Variants in CELSR1 observed in about 807,000 individuals in gnomAD.
The protein encoded by CELSR1 is cadherin EGF LAG seven-pass G-type receptor 1, also known as adhesion G protein-coupled receptor C1.
A neutral mutation model predicts 249.1 loss-of-function variants in CELSR1; 110 were observed. The observed-to-expected ratio is 0.44, with a 90% CI of 0.38 to 0.52. The LOEUF (loss-of-function observed/expected upper bound fraction) is 0.52. Among genes scored for constraint, CELSR1 ranks in the 20% least tolerant of loss-of-function variants. The pLI is 0.00. For synonymous variants in CELSR1, 2,113 were observed against 1,900.0 expected, an observed-to-expected ratio of 1.11 and a Z score of -2.92; for missense variants, 4,109 against 4,296.4, an observed-to-expected ratio of 0.96 and a Z score of 1.22.
chr22:46,499,870 G>A (rs1228357783), intron 1 of CELSR1, among the ~76,000 whole-genome samples: 3 of 151,882 alleles, frequency 2.0e-5, no homozygotes, highest in South Asian at 2.1e-4. Flanking sequence ...CCCCTCCACC[G>A]TCTGCAAACC....
In CELSR1 at chr22:46,381,951, C is replaced by T. The variant is rs761937371; in HGVS notation, c.6983G>A (p.Arg2328Gln). Residue 2328 changes from arginine to glutamine, a missense_variant, in exon 21 of 35, where the codon CGA becomes CAA. This residue lies in a region of CELSR1 where 1,805 missense variants were observed against 1,831.6 expected (regional missense o/e 0.99). Coordinates refer to ENST00000674500, the MANE Select transcript of CELSR1 (RefSeq NM_001378328.1). This position sits in a 1 kb window ranked among gnomAD's most constrained non-coding sequence, Gnocchi z 6.0. ...GAACTGGCCAGCGTCATCAGGGTGT[C>T]GCCTCCGCCTGCTGATCGGGGCCTC... ...EREAPISRRR[R>Q]HPDDAGQFAV... 4.2e-5 allele frequency: 66 copies of T among 1,564,212 alleles called. No homozygotes were observed. The highest frequency in any genetic ancestry group is 1.2e-4 in the African/African-American group (9 of 73,626).
At chr22:46,420,599 GCTTGCACAATATACTCAC>G (rs2079459136) in intron 5 of CELSR1, among the ~76,000 whole-genome samples, 2 of 151,994 alleles carry the variant, frequency 1.3e-5, no homozygotes, top group South Asian at 4.1e-4. Context: ...TCGTGCTCAT[GCTTGCACAATATACTCAC>G]CTGTACACAC....
chr22:46,480,334 G>A (rs2080254215), intron 1 of CELSR1, among the ~76,000 whole-genome samples: 1 of 152,196 alleles, frequency 6.6e-6, no homozygotes, highest in Non-Finnish European at 1.5e-5. Flanking sequence ...GATGCAGCAT[G>A]TCAAAATTTT....
intron 1 of CELSR1, among the ~76,000 whole-genome samples, chr22:46,486,881 C>T (rs951674124): frequency 3.3e-5 from 5 of 152,084 alleles, no homozygotes; most frequent in African/African-American, 4.8e-5. Flanking sequence ...CATCAGGACA[C>T]GTCCACACAG....
At chr22:46,382,914 T>C (rs1019441050) in intron 20 of CELSR1, among the ~76,000 whole-genome samples, 4 of 152,176 alleles carry the variant, frequency 2.6e-5, no homozygotes, top group African/African-American at 7.2e-5. Context: ...TTTCGTGGGC[T>C]AGAGTTTCAG....
rs2079413746 is a variant in CELSR1, at chr22:46,417,271, G to C, written c.4612-5512C>G. Among the ~76,000 whole-genome samples the C allele has an allele frequency of 6.6e-6, 1 of 152,216 alleles. No individual in the cohort carries two copies. The highest frequency in any genetic ancestry group is 2.4e-5 in the African/African-American group (1 of 41,448). On this transcript the variant is annotated intron_variant, in intron 5 of 34. Coordinates refer to ENST00000674500, the MANE Select transcript of CELSR1 (RefSeq NM_001378328.1). The surrounding 1 kb of genome is among the most constrained non-coding windows in gnomAD (Gnocchi z 4.1). ...CACTGCAGTTCTCCGAAGCTGCTTG[G>C]GAAAGTGGTGGGAAGGGTCACGAGG...
rs1325233945 is a variant in CELSR1 at position 46,430,114 on chromosome 22, G to A, written c.4611+3279C>T. ...GGCCACTCTGACAGGCAACACCCGGGAGATCATGCTCAGATCTAAAATGCA... is the reference window on the plus strand; with the variant it reads ...GGCCACTCTGACAGGCAACACCCGGAAGATCATGCTCAGATCTAAAATGCA... On this transcript the variant is annotated intron_variant, in intron 5 of 34. Transcript: ENST00000674500. The surrounding 1 kb of genome is among the most constrained non-coding windows in gnomAD (Gnocchi z 4.6). Among the ~76,000 whole-genome samples the A allele has an allele frequency of 6.6e-6, 1 of 152,208 alleles. No homozygotes were observed. The highest frequency in any genetic ancestry group is 1.9e-4 in the East Asian group (1 of 5,198).
At chr22:46,373,173 G>A in intron 24 of CELSR1, 116 bp from the exon 25 acceptor site, 1 of 1,099,204 alleles carries the variant, frequency 9.1e-7, no homozygotes, top group Non-Finnish European at 1.3e-6. Context: ...CTATGTGTCT[G>A]TCCTCAGCTG....
At chr22:46,373,712 T>TGGGGGGGAA (rs1602036842) in intron 24 of CELSR1, among the ~76,000 whole-genome samples, 1 of 78,760 alleles carries the variant, frequency 1.3e-5, no homozygotes, top group African/African-American at 5.1e-5. Flanking sequence ...ATGGGGGAGA[T>TGGGGGGGAA]GGGGGAGATG....
Position 46,420,729 on chromosome 22 carries a change from C to T in CELSR1, c.4612-8970G>A, listed in dbSNP as rs1288465808. ...CCCCTCTCTGTCCTCGATCTGGGCCCGCGGGACCCCCTTCCTTAGTCCCCC... is the reference window on the plus strand; with the variant it reads ...CCCCTCTCTGTCCTCGATCTGGGCCTGCGGGACCCCCTTCCTTAGTCCCCC... On this transcript the variant is annotated intron_variant, in intron 5 of 34. Coordinates refer to ENST00000674500, the MANE Select transcript of CELSR1 (RefSeq NM_001378328.1). Among the ~76,000 whole-genome samples, 7 of 152,246 alleles carry T rather than the reference C, an allele frequency of 4.6e-5. No homozygotes were observed. The East Asian group carries it at 7.7e-4, about 17-fold the overall frequency.
chr22:46,507,452 T>C (rs2080526149), intron 1 of CELSR1, among the ~76,000 whole-genome samples: 1 of 151,966 alleles, frequency 6.6e-6, no homozygotes, highest in Non-Finnish European at 1.5e-5. Flanking sequence ...TGCAGCGTAC[T>C]CCAGCTGCCC....
At chr22:46,364,974 C>T (rs889687986) in intron 32 of CELSR1, among the ~76,000 whole-genome samples, 1 of 152,244 alleles carries the variant, frequency 6.6e-6, no homozygotes, top group African/African-American at 2.4e-5. Context: ...CCACTGGCAG[C>T]CTCACCTGGA....
intron 1 of CELSR1, among the ~76,000 whole-genome samples, chr22:46,474,358 C>A (rs912863293): frequency 3.3e-5 from 5 of 152,100 alleles, no homozygotes; most frequent in Non-Finnish European, 7.4e-5. Context: ...AACCCCACCA[C>A]TGCCATCCCC....
rs376694390 is a variant in CELSR1 at position 46,364,650 on chromosome 22, G to A, written c.8641C>T (p.Arg2881Cys). 46 of 1,612,562 alleles carry A rather than the reference G, an allele frequency of 2.9e-5. 1 individual carries two copies. The highest frequency in any genetic ancestry group is 2.0e-4 in the South Asian group (18 of 91,090). Residue 2881 changes from arginine (R) to cysteine (C), a missense_variant, in exon 33 of 35, where the codon CGC (arginine) becomes TGC (cysteine). Arg to Cys is a radical substitution (Grantham distance 180). Around this residue, in one of 7 missense-constraint regions of CELSR1, gnomAD observed 1,805 missense variants for 1,831.6 expected, o/e 0.99. Transcript: ENST00000674500. ...SDSEDPSGKPRLKVETKVSVE... is the reference protein window; with the variant it reads ...SDSEDPSGKPCLKVETKVSVE... The stretch of plus-strand genomic sequence containing the variant: ...CTGACCTTGGTCTCCACCTTCAGGC[G>A]GGGCTTGCCGCTGGGGTCCTCACTG...
At position 46,500,970 on chromosome 22, in the gene CELSR1, G is replaced by A. The variant is rs1442491254; in HGVS notation, c.3544+32657C>T. On this transcript the variant is annotated intron_variant, in intron 1 of 34. Coordinates refer to ENST00000674500, the MANE Select transcript of CELSR1 (RefSeq NM_001378328.1). The surrounding 1 kb of genome is among the most constrained non-coding windows in gnomAD (Gnocchi z 4.9). ...CTCCAGAGACCCAAAGATCTGAAATGTTAAGATGTTTCCACTAAGAAAAGT... is the reference window on the plus strand; with the variant it reads ...CTCCAGAGACCCAAAGATCTGAAATATTAAGATGTTTCCACTAAGAAAAGT... Among the ~76,000 whole-genome samples, 1 of 151,976 alleles carries A rather than the reference G, an allele frequency of 6.6e-6. No individual in the cohort carries two copies. The highest frequency in any genetic ancestry group is 2.4e-5 in the African/African-American group (1 of 41,388).
chr22:46,533,946 C>T lies in CELSR1; in HGVS notation c.3225G>A (p.Gln1075=). 6.2e-7 allele frequency: 1 copy of T among 1,613,324 alleles called. No homozygotes were observed. The highest frequency in any genetic ancestry group is 1.1e-5 in the South Asian group (1 of 91,086). ...EVRREYVLVV[Q]ATSAPLVSRA... ...GGCTCACCAGCGGAGCCGACGTGGC[C>T]TGCACCACCAGCACATACTCCCGCC... Residue 1075 remains glutamine (Q), a synonymous_variant, in exon 1 of 35, where the codon CAG becomes CAA. Coordinates refer to ENST00000674500, the MANE Select transcript of CELSR1 (RefSeq NM_001378328.1).
Position 46,447,702 on chromosome 22 carries a change from C to A in CELSR1, c.4184-8291G>T, listed in dbSNP as rs2079836105. 6.6e-6 allele frequency among the ~76,000 whole-genome samples: 1 copy of A among 152,184 alleles called. No individual in the cohort carries two copies. The highest frequency in any genetic ancestry group is 2.4e-5 in the African/African-American group (1 of 41,444). On this transcript the variant is annotated intron_variant, in intron 2 of 34. Coordinates refer to ENST00000674500, the MANE Select transcript of CELSR1 (RefSeq NM_001378328.1). This position sits in a 1 kb window ranked among gnomAD's most constrained non-coding sequence, Gnocchi z 4.7. ...CAATGGTGCGATCTCGGCTCACAAC[C>A]TCCACCTCCCAGGTTCAAGCGATTC... is the stretch of plus-strand genomic sequence containing the variant.
At chr22:46,451,491 T>C (rs959512931) in intron 2 of CELSR1, among the ~76,000 whole-genome samples, 49 of 152,360 alleles carry the variant, frequency 3.2e-4, no homozygotes, top group African/African-American at 1.2e-3. Context: ...ACCTACACGC[T>C]GAGGGCTGGA....
intron 14 of CELSR1, among the ~76,000 whole-genome samples, chr22:46,392,127 C>T (rs1357947057): frequency 6.6e-6 from 1 of 152,258 alleles, no homozygotes; most frequent in Non-Finnish European, 1.5e-5. Flanking sequence ...TGGAGGCTTA[C>T]GTATGGGGAT....
Sources: allele counts gnomAD v4.1 joint callset (sites outside exome capture counted in the v4.1 genomes callset), GRCh38; gene constraint gnomAD v4.1.1; regional missense constraint gnomAD v4.1.1; non-coding constraint Gnocchi (gnomAD v3.1); transcripts MANE v1.5; gene names NCBI Gene and HGNC (gene_info 2026-07-23, HGNC 2026-07-21).